SOWAHB: variants seen among roughly 807,000 people sequenced by gnomAD.
The protein encoded by SOWAHB is ankyrin repeat domain-containing protein SOWAHB.
SOWAHB carries 17 observed loss-of-function variants against 18.3 expected under a neutral mutation model. The observed-to-expected ratio is 0.93, with a 90% CI of 0.64 to 1.40. The LOEUF (loss-of-function observed/expected upper bound fraction) is 1.40. Among genes scored for constraint, SOWAHB ranks in the 40% most tolerant of loss-of-function variants. The probability of loss-of-function intolerance (pLI) is 0.00; values close to 1 mark genes in which losing one functional copy is unlikely to be tolerated. For synonymous variants in SOWAHB, 496 were observed against 448.1 expected, an observed-to-expected ratio of 1.11 and a Z score of -1.35; for missense variants, 1,126 against 1,033.7, an observed-to-expected ratio of 1.09 and a Z score of -1.22.
rs1170295404 is a variant in SOWAHB, at chr4:76,897,375, T to A, written c.475A>T (p.Lys159Ter). The change falls in exon 1 of 1, where the codon AAG becomes TAG. Residue 159 changes from lysine (K) to a stop codon, truncating the protein, a stop_gained. Transcript: ENST00000334306. LOFTEE classifies it low-confidence loss of function (END_TRUNC). The surrounding 1 kb of genome is among the most constrained non-coding windows in gnomAD (Gnocchi z 6.4). ...GGACTGCCCTTCGATCCGCCGCCCT[T>A]CCCGGGCGCCCTACGGGAGTCGCTG... ...PGSDSRRAPG[K>*]GGGSKGSPGQ... 6.5e-7 allele frequency: 1 copy of A among 1,528,882 alleles called. No homozygotes were observed. Among genetic ancestry groups the A allele is most frequent in the African/African-American group, 1.4e-5 (1 of 71,026 alleles). The allele number at this position is 1,528,882 out of a possible 1,614,324, so 94.7% of individuals were successfully genotyped here.
In SOWAHB at chr4:76,896,440, G is replaced by T; in HGVS notation, c.1410C>A (p.Val470=). The T allele has an allele frequency of 2.5e-6, 4 of 1,611,810 alleles. No individual in the cohort carries two copies. The highest frequency in any genetic ancestry group is 3.4e-6 in the Non-Finnish European group (4 of 1,179,262). Reference sequence around the variant, plus strand: ...CTGCAAGGCCATTAGCCCCTGCAGGGACCTGCTGAGAGATGTGACCATCCC... The same window carrying T: ...CTGCAAGGCCATTAGCCCCTGCAGGTACCTGCTGAGAGATGTGACCATCCC... ...NRGDGHISQQ[V]PAGANGLAGH... Residue 470 remains valine (V), a synonymous_variant, in exon 1 of 1, where the codon GTC becomes GTA. Coordinates refer to ENST00000334306, the MANE Select transcript of SOWAHB (RefSeq NM_001029870.3).
In SOWAHB at chr4:76,897,006, G is replaced by C; in HGVS notation, c.844C>G (p.Arg282Gly). Residue 282 changes from arginine (R) to glycine (G), a missense_variant, in exon 1 of 1, where the codon CGC becomes GGC. Transcript: ENST00000334306. The surrounding 1 kb of genome is among the most constrained non-coding windows in gnomAD (Gnocchi z 6.4). Reference sequence around the variant, plus strand: ...GTCAGCAGCTCCGGCCGGTCTCCGCGGGGAGCGGGGCCGGGCAGGAGAGCA... The same window carrying C: ...GTCAGCAGCTCCGGCCGGTCTCCGCCGGGAGCGGGGCCGGGCAGGAGAGCA... Reference protein sequence around the residue: ...PPALLPGPAPRGDRPELLTPS... With the variant: ...PPALLPGPAPGGDRPELLTPS... 1 of 1,565,170 alleles carries C rather than the reference G, an allele frequency of 6.4e-7. No homozygotes were observed. Among genetic ancestry groups the C allele is most frequent in the Non-Finnish European group, 8.6e-7 (1 of 1,161,498 alleles).
rs1014961729 is a variant in SOWAHB at position 76,896,492 on chromosome 4, C to T, written c.1358G>A (p.Arg453Gln). The T allele has an allele frequency of 1.9e-6, 3 of 1,612,892 alleles. No individual in the cohort carries two copies. Among genetic ancestry groups the T allele is most frequent in the African/African-American group, 1.3e-5 (1 of 75,044 alleles). ...TCTGTTTCTGAGACCCTGAGGGCTC[C>T]GGCTGGGGCTGCCCTCCTTCCGAGA... ...SVSRKEGSPSRSPQGLRNRGD... is the reference protein window; with the variant it reads ...SVSRKEGSPSQSPQGLRNRGD... The change falls in exon 1 of 1, where the codon CGG becomes CAG. Residue 453 changes from arginine to glutamine, a missense_variant. Coordinates refer to ENST00000334306, the MANE Select transcript of SOWAHB (RefSeq NM_001029870.3).
rs147073004 is a variant in SOWAHB at position 76,897,335 on chromosome 4, G to A, written c.515C>T (p.Pro172Leu). Residue 172 changes from proline (P) to leucine (L), a missense_variant, in exon 1 of 1, where the codon CCG (proline) becomes CTG (leucine). By Grantham distance (98) the Pro-to-Leu change is moderately conservative. Transcript: ENST00000334306. This position sits in a 1 kb window ranked among gnomAD's most constrained non-coding sequence, Gnocchi z 6.4. ...GSKGSPGQRP[P>L]VPAAAAAGAQ... Reference sequence around the variant, plus strand: ...CCCTGCCGCTGCAGCTGCGGGCACCGGCGGCCTCTGTCCGGGACTGCCCTT... The same window carrying A: ...CCCTGCCGCTGCAGCTGCGGGCACCAGCGGCCTCTGTCCGGGACTGCCCTT... 13 of 1,537,710 alleles carry A rather than the reference G, an allele frequency of 8.5e-6. No individual in the cohort carries two copies. In the South Asian group the frequency reaches 1.1e-4, roughly 13 times the overall value.
Position 76,895,480 on chromosome 4 carries a change from C to G in SOWAHB, c.2370G>C (p.Glu790Asp). 1.9e-6 allele frequency: 3 copies of G among 1,602,826 alleles called. No homozygotes were observed. Among genetic ancestry groups the G allele is most frequent in the Non-Finnish European group, 2.6e-6 (3 of 1,174,426 alleles). Residue 790 changes from glutamate to aspartate, a missense_variant, in exon 1 of 1, where the codon GAG (glutamate) becomes GAC (aspartate). By Grantham distance (45) the Glu-to-Asp change is conservative. Transcript: ENST00000334306. Reference protein sequence around the residue: ...EKFHSPREREEYSD With the variant: ...EKFHSPREREDYSD The stretch of plus-strand genomic sequence containing the variant: ...AGAGAGACCCACCTCAGTCACTATA[C>G]TCTTCTCTTTCCCTTGGACTGTGGA...
In SOWAHB at chr4:76,898,083, C is replaced by A; in HGVS notation, c.-234G>T. 1 of 512,544 alleles carries A rather than the reference C, an allele frequency of 2.0e-6. No individual in the cohort carries two copies. The highest frequency in any genetic ancestry group is 3.4e-6 in the Non-Finnish European group (1 of 294,280). 31.7% of individuals were successfully genotyped at this position (512,544 alleles called of 1,614,324 possible). A position where few individuals can be genotyped will look rare whatever the true frequency, so the allele number is the denominator to read the frequency against. On this transcript the variant is annotated 5_prime_UTR_variant, in exon 1 of 1. Transcript: ENST00000334306. ...CCGCGGCAGTCTGCGTGAGAGAGGG[C>A]GGCTCCGAGGCCGCCCCTGCGCGAC... is the stretch of plus-strand genomic sequence containing the variant.
chr4:76,896,454 T>C lies in SOWAHB; in HGVS notation c.1396A>G (p.Ile466Val), dbSNP rs769389451. Reference sequence around the variant, plus strand: ...GCCCCTGCAGGGACCTGCTGAGAGATGTGACCATCCCCTCTGTTTCTGAGA... The same window carrying C: ...GCCCCTGCAGGGACCTGCTGAGAGACGTGACCATCCCCTCTGTTTCTGAGA... ...QGLRNRGDGH[I>V]SQQVPAGANG... is the part of the protein sequence containing the mutation. The change falls in exon 1 of 1, where the codon ATC (isoleucine) becomes GTC (valine). Residue 466 changes from isoleucine to valine, a missense_variant. Coordinates refer to ENST00000334306, the MANE Select transcript of SOWAHB (RefSeq NM_001029870.3). The C allele has an allele frequency of 6.2e-7, 1 of 1,612,610 alleles. No homozygotes were observed. The highest frequency in any genetic ancestry group is 8.5e-7 in the Non-Finnish European group (1 of 1,179,716).
In SOWAHB at chr4:76,897,962, C is replaced by T; in HGVS notation, c.-113G>A. ...TCACCTGCGCCCGGGGCGGCACTAG[C>T]CGCCCCCATCAGCCGCGGAGGCCAG... is the stretch of plus-strand genomic sequence containing the variant. On this transcript the variant is annotated 5_prime_UTR_variant, in exon 1 of 1. Transcript: ENST00000334306. The surrounding 1 kb of genome is among the most constrained non-coding windows in gnomAD (Gnocchi z 6.4). 1 of 1,162,570 alleles carries T rather than the reference C, an allele frequency of 8.6e-7. No individual in the cohort carries two copies. The highest frequency in any genetic ancestry group is 1.2e-6 in the Non-Finnish European group (1 of 850,302). The allele number at this position is 1,162,570 out of a possible 1,614,324, so 72.0% of individuals were successfully genotyped here. A position where few individuals can be genotyped will look rare whatever the true frequency, so the allele number is the denominator to read the frequency against.
At position 76,895,714 on chromosome 4, in the gene SOWAHB, G is replaced by A. The variant is rs1553962052; in HGVS notation, c.2136C>T (p.Thr712=). The A allele has an allele frequency of 1.4e-5, 22 of 1,614,258 alleles. No individual in the cohort carries two copies. Among genetic ancestry groups the A allele is most frequent in the Non-Finnish European group, 1.9e-5 (22 of 1,180,044 alleles). The change falls in exon 1 of 1, where the codon ACC becomes ACT. Residue 712 remains threonine, a synonymous_variant. Coordinates refer to ENST00000334306, the MANE Select transcript of SOWAHB (RefSeq NM_001029870.3). ...SSGKKPWQYL[T]SNTSGEIWQL... ...GCCATATTTCCCCAGAGGTATTACT[G>A]GTTAGATACTGCCATGGCTTCTTCC...
At position 76,896,327 on chromosome 4, in the gene SOWAHB, G is replaced by GT. The variant is rs1408841710; in HGVS notation, c.1522_1523insA (p.Ser508TyrfsTer4). On this transcript the variant is annotated frameshift_variant, in exon 1 of 1. Transcript: ENST00000334306. LOFTEE classifies it low-confidence loss of function (END_TRUNC). The stretch of plus-strand genomic sequence containing the variant: ...ATCGAGGTACTCCTCATCAGAGGAG[G>GT]ACAATTTGGCTCTCCCTGCCAGAGA... 1 of 1,605,132 alleles carries GT rather than the reference G, an allele frequency of 6.2e-7. No individual in the cohort carries two copies. Among genetic ancestry groups the GT allele is most frequent in the Non-Finnish European group, 8.5e-7 (1 of 1,173,970 alleles).
Position 76,898,108 on chromosome 4 carries a change from C to G in SOWAHB, c.-259G>C. 2.1e-6 allele frequency: 1 copy of G among 470,158 alleles called. No homozygotes were observed. Among genetic ancestry groups the G allele is most frequent in the Non-Finnish European group, 3.7e-6 (1 of 268,392 alleles). 29.1% of individuals were successfully genotyped at this position (470,158 alleles called of 1,614,324 possible). On this transcript the variant is annotated 5_prime_UTR_variant, in exon 1 of 1. Transcript: ENST00000334306. ...CGGCTCCGAGGCCGCCCCTGCGCGACTCTAGCCTCTCGCAACGAGTCCTCA... is the reference window on the plus strand; with the variant it reads ...CGGCTCCGAGGCCGCCCCTGCGCGAGTCTAGCCTCTCGCAACGAGTCCTCA...
chr4:76,896,009 G>C lies in SOWAHB; in HGVS notation c.1841C>G (p.Thr614Ser). Residue 614 changes from threonine (T) to serine (S), a missense_variant, in exon 1 of 1, where the codon ACT becomes AGT. Coordinates refer to ENST00000334306, the MANE Select transcript of SOWAHB (RefSeq NM_001029870.3). ...LASGSWIQVW[T>S]LFWEDPQLAL... ...CAGTTGAGGGTCCTCCCAGAACAAA[G>C]TCCACACCTGAATCCAGGAGCCACT... The C allele has an allele frequency of 1.9e-6, 3 of 1,613,526 alleles. No homozygotes were observed. The highest frequency in any genetic ancestry group is 2.5e-6 in the Non-Finnish European group (3 of 1,179,898).
Position 76,896,956 on chromosome 4 carries a change from G to A in SOWAHB, c.894C>T (p.Thr298=), listed in dbSNP as rs1444240109. 3.8e-6 allele frequency: 6 copies of A among 1,588,734 alleles called. No individual in the cohort carries two copies. The African/African-American group carries it at 8.1e-5, about 21-fold the overall frequency. The change falls in exon 1 of 1, where the codon ACC becomes ACT. Residue 298 remains threonine, a synonymous_variant. Transcript: ENST00000334306. ...LLTPSSLHYS[T]LQQQQQRTRE... is the part of the protein sequence containing the mutation. Reference sequence around the variant, plus strand: ...GAGTGCGCTGCTGCTGCTGCTGCAGGGTCGAATAATGCAGGGAGCTGGGGG... The same window carrying A: ...GAGTGCGCTGCTGCTGCTGCTGCAGAGTCGAATAATGCAGGGAGCTGGGGG...
rs1288187063 is a variant in SOWAHB at position 76,896,346 on chromosome 4, C to A, written c.1504G>T (p.Ala502Ser). 2 of 1,602,066 alleles carry A rather than the reference C, an allele frequency of 1.2e-6. No homozygotes were observed. Reference protein sequence around the residue: ...LRRSLRRSSLAGRAKLSSSDE... With the variant: ...LRRSLRRSSLSGRAKLSSSDE... ...GAGGAGGACAATTTGGCTCTCCCTGCCAGAGAGCTCCTCCTGAGGGACCTC... is the reference window on the plus strand; with the variant it reads ...GAGGAGGACAATTTGGCTCTCCCTGACAGAGAGCTCCTCCTGAGGGACCTC... Residue 502 changes from alanine (A) to serine (S), a missense_variant, in exon 1 of 1, where the codon GCA becomes TCA. Ala to Ser is a moderately conservative substitution (Grantham distance 99). Coordinates refer to ENST00000334306, the MANE Select transcript of SOWAHB (RefSeq NM_001029870.3).
At position 76,897,464 on chromosome 4, in the gene SOWAHB, G is replaced by T. The variant is rs968233283; in HGVS notation, c.386C>A (p.Pro129Gln). The T allele has an allele frequency of 3.3e-6, 5 of 1,494,310 alleles. No homozygotes were observed. Among genetic ancestry groups the T allele is most frequent in the African/African-American group, 1.5e-5 (1 of 68,494 alleles). 92.6% of individuals were successfully genotyped at this position (1,494,310 alleles called of 1,614,324 possible). A position where few individuals can be genotyped will look rare whatever the true frequency, so the allele number is the denominator to read the frequency against. The change falls in exon 1 of 1, where the codon CCG becomes CAG. Residue 129 changes from proline to glutamine, a missense_variant. Transcript: ENST00000334306. The surrounding 1 kb of genome is among the most constrained non-coding windows in gnomAD (Gnocchi z 6.4). ...QPRRRRREKE[P>Q]EEEPAGAAAR... ...TGCTGCACCTGCTGGCTCCTCCTCC[G>T]GCTCCTTCTCGCGCCGCCGCCGCCT...
At position 76,896,765 on chromosome 4, in the gene SOWAHB, AAG is replaced by A. The variant is rs1327759657; in HGVS notation, c.1083_1084del (p.Phe362SerfsTer6). On this transcript the variant is annotated frameshift_variant, in exon 1 of 1. Coordinates refer to ENST00000334306, the MANE Select transcript of SOWAHB (RefSeq NM_001029870.3). LOFTEE classifies it low-confidence loss of function (END_TRUNC). ...CCAGGACTCATCCGGAACAACAGGAAAGAGAGAGTGCGAGGAAAGACAGGGGT... is the reference window on the plus strand; with the variant it reads ...CCAGGACTCATCCGGAACAACAGGAAAGAGAGTGCGAGGAAAGACAGGGGT... 1.9e-6 allele frequency: 3 copies of A among 1,613,924 alleles called. No homozygotes were observed. Among genetic ancestry groups the A allele is most frequent in the South Asian group, 1.1e-5 (1 of 91,086 alleles).
rs985550793 is a variant in SOWAHB, at chr4:76,896,240, G to T, written c.1610C>A (p.Thr537Lys). The change falls in exon 1 of 1, where the codon ACG becomes AAG. Residue 537 changes from threonine (T) to lysine (K), a missense_variant. Thr to Lys is a moderately conservative substitution (Grantham distance 78, BLOSUM62 -1). Transcript: ENST00000334306. ...TGCATCAACCCTTGGGCTGGGTGCC[G>T]TTCCTGCCTTGGAGGGCTTCCTGGA... ...PRSRKPSKAG[T>K]APSPRVDAGL... is the part of the protein sequence containing the mutation. 1 of 1,591,534 alleles carries T rather than the reference G, an allele frequency of 6.3e-7. No individual in the cohort carries two copies. The highest frequency in any genetic ancestry group is 1.8e-5 in the Admixed American group (1 of 56,460).
chr4:76,897,792 G>A lies in SOWAHB; in HGVS notation c.58C>T (p.Arg20Cys). ...CTCAGCAAGGCAGCGTTGGTCACGCGGCCCCCAGCCTGGCACAGAAAGTCC... is the reference window on the plus strand; with the variant it reads ...CTCAGCAAGGCAGCGTTGGTCACGCAGCCCCCAGCCTGGCACAGAAAGTCC... ...LLDFLCQAGG[R>C]VTNAALLSHF... Residue 20 changes from arginine to cysteine, a missense_variant, in exon 1 of 1, where the codon CGC (arginine) becomes TGC (cysteine). Coordinates refer to ENST00000334306, the MANE Select transcript of SOWAHB (RefSeq NM_001029870.3). This position sits in a 1 kb window ranked among gnomAD's most constrained non-coding sequence, Gnocchi z 6.4. 1.2e-6 allele frequency: 2 copies of A among 1,601,884 alleles called. No homozygotes were observed. Among genetic ancestry groups the A allele is most frequent in the Non-Finnish European group, 1.7e-6 (2 of 1,179,848 alleles).
Position 76,897,115 on chromosome 4 carries a change from C to T in SOWAHB, c.735G>A (p.Ala245=). 1 of 1,538,748 alleles carries T rather than the reference C, an allele frequency of 6.5e-7. No homozygotes were observed. The highest frequency in any genetic ancestry group is 2.0e-5 in the Admixed American group (1 of 51,192). Residue 245 remains alanine, a synonymous_variant, in exon 1 of 1, where the codon GCG becomes GCA. Transcript: ENST00000334306. The surrounding 1 kb of genome is among the most constrained non-coding windows in gnomAD (Gnocchi z 6.4). ...CAGGCACAGGCGCCGGCTCAGCTAG[C>T]GCGCCTTCTTCCCGCTCCCTGGAAG... ...RGASREREEG[A]LAEPAPVPAV... is the part of the protein sequence containing the mutation.
Sources: gnomAD v4.1 joint callset for allele counts on GRCh38, gnomAD v4.1.1 for gene constraint, Gnocchi (gnomAD v3.1) non-coding constraint, MANE v1.5 for transcripts, NCBI Gene and HGNC (gene_info 2026-07-23, HGNC 2026-07-21) for gene names.